AUTS2: variants seen among roughly 807,000 people sequenced by gnomAD.
AUTS2 encodes the protein activator of transcription and developmental regulator AUTS2.
A neutral mutation model predicts 112.4 loss-of-function variants in AUTS2; 17 were observed. The observed-to-expected ratio is 0.15, with a 90% CI of 0.10 to 0.23. The LOEUF (loss-of-function observed/expected upper bound fraction) is 0.23, where lower values mean the gene tolerates loss of function less well. AUTS2 is among the 10% of genes least tolerant of loss of function. The pLI is 1.00. For synonymous variants in AUTS2, 751 were observed against 702.7 expected, an observed-to-expected ratio of 1.07 and a Z score of -1.09; for missense variants, 1,510 against 1,701.6, an observed-to-expected ratio of 0.89 and a Z score of 1.98.
intron 2 of AUTS2, among the ~76,000 whole-genome samples, chr7:70,114,209 A>G (rs1438817329): frequency 1.3e-5 from 2 of 152,234 alleles, no homozygotes; most frequent in African/African-American, 2.4e-5. Flanking sequence ...AGTGGGTTAT[A>G]GTAATTTTTA....
intron 4 of AUTS2, among the ~76,000 whole-genome samples, chr7:70,301,558 AAG>A (rs1002897667): frequency 6.6e-5 from 10 of 152,166 alleles, no homozygotes; most frequent in African/African-American, 2.4e-4. Context: ...TGAGGTTCTA[AAG>A]AGGGGATTTT....
At chr7:70,391,553 C>A (rs554304188) in intron 4 of AUTS2, among the ~76,000 whole-genome samples, 1 of 152,132 alleles carries the variant, frequency 6.6e-6, no homozygotes, top group Non-Finnish European at 1.5e-5. Flanking sequence ...ATCACAATCA[C>A]GGAGTATCTG....
At chr7:69,876,358 A>G (rs1455500440) in intron 1 of AUTS2, among the ~76,000 whole-genome samples, 1 of 97,050 alleles carries the variant, frequency 1.0e-5, no homozygotes, top group Non-Finnish European at 2.0e-5. Context: ...AAATATATAT[A>G]TATATATATA....
rs6959459 is a variant in AUTS2 at position 70,765,919 on chromosome 7, G to C, written c.1469-195G>C. ...TCCCTGAAAGCTGGGAGACCAGCTA[G>C]AGAACAGGGAGACAGGGTGCGACCG... On this transcript the variant is annotated intron_variant, in intron 8 of 18. Coordinates refer to ENST00000342771, the MANE Select transcript of AUTS2 (RefSeq NM_015570.4). 0.5 allele frequency among the ~76,000 whole-genome samples: 76,441 copies of C among 151,896 alleles called. 21,332 individuals are homozygous for C. Among genetic ancestry groups the C allele is most frequent in the Non-Finnish European group, 0.62 (42,077 of 67,938 alleles).
At chr7:70,676,102 T>G (rs1807896517) in intron 5 of AUTS2, among the ~76,000 whole-genome samples, 1 of 152,172 alleles carries the variant, frequency 6.6e-6, no homozygotes, top group Non-Finnish European at 1.5e-5. Context: ...GGTTACTGAC[T>G]TGGTATAAAA....
intron 3 of AUTS2, among the ~76,000 whole-genome samples, chr7:70,121,413 A>G (rs924333694): frequency 2.6e-5 from 4 of 152,168 alleles, no homozygotes; most frequent in African/African-American, 7.2e-5. Context: ...GACAGCCTAC[A>G]AAATGGGGAA....
Position 70,393,738 on chromosome 7 carries a change from A to T in AUTS2, c.661-42014A>T, listed in dbSNP as rs1018328613. Among the ~76,000 whole-genome samples, 3 of 152,192 alleles carry T rather than the reference A, an allele frequency of 2.0e-5. No homozygotes were observed. In the East Asian group the frequency reaches 5.8e-4, roughly 29 times the overall value. On this transcript the variant is annotated intron_variant, in intron 4 of 18. Coordinates refer to ENST00000342771, the MANE Select transcript of AUTS2 (RefSeq NM_015570.4). The stretch of plus-strand genomic sequence containing the variant: ...TTTGAAATAATTTGGTTTCTGTAAC[A>T]CGAAGCCCACCACCCCCCTTTCAAC...
chr7:70,511,775 C>T (rs1213884678), intron 5 of AUTS2, among the ~76,000 whole-genome samples: 1 of 151,808 alleles, frequency 6.6e-6, no homozygotes, highest in Non-Finnish European at 1.5e-5. Context: ...CAGGTTTCAC[C>T]ACGTTGGCCA....
chr7:69,975,804 C>T (rs1357976777), intron 2 of AUTS2, among the ~76,000 whole-genome samples: 1 of 151,888 alleles, frequency 6.6e-6, no homozygotes, highest in Non-Finnish European at 1.5e-5. Flanking sequence ...TCTCGGGTCT[C>T]AGCCTCCCAA....
rs185016285 is a variant in AUTS2 at position 70,173,089 on chromosome 7, G to A, written c.660+38518G>A. ...AATGTAGAGTCTCTTACCACTGGGA[G>A]TTTGGGGAACTTCGCACAGTGGCTC... On this transcript the variant is annotated intron_variant, in intron 4 of 18. Coordinates refer to ENST00000342771, the MANE Select transcript of AUTS2 (RefSeq NM_015570.4). Among the ~76,000 whole-genome samples, 632 of 152,244 alleles carry A rather than the reference G, an allele frequency of 4.2e-3. 1 individual carries two copies. Among genetic ancestry groups the A allele is most frequent in the Admixed American group, 7.8e-3 (119 of 15,284 alleles).
At chr7:70,426,895 A>G (rs943452466) in intron 4 of AUTS2, among the ~76,000 whole-genome samples, 2 of 152,166 alleles carry the variant, frequency 1.3e-5, no homozygotes, top group African/African-American at 4.8e-5. Context: ...TTAACCCATA[A>G]CATACTTTTC....
intron 4 of AUTS2, among the ~76,000 whole-genome samples, chr7:70,230,329 A>C (rs1275894429): frequency 6.6e-6 from 1 of 152,108 alleles, no homozygotes; most frequent in African/African-American, 2.4e-5. Flanking sequence ...TTTCCCTCAT[A>C]ATGTGTGGCT....
At chr7:69,794,532 TC>T (rs1789753921) in intron 1 of AUTS2, among the ~76,000 whole-genome samples, 1 of 152,234 alleles carries the variant, frequency 6.6e-6, no homozygotes, top group Non-Finnish European at 1.5e-5. Flanking sequence ...TATTGCTGTT[TC>T]TAGGAAGTTA....
intron 13 of AUTS2, among the ~76,000 whole-genome samples, chr7:70,775,624 G>A (rs753048959): frequency 6.6e-6 from 1 of 151,866 alleles, no homozygotes; most frequent in Non-Finnish European, 1.5e-5. Context: ...CAACGAGTCC[G>A]ATCTCTTGTT....
At chr7:70,083,659 T>C (rs1007332448) in intron 2 of AUTS2, among the ~76,000 whole-genome samples, 2 of 152,134 alleles carry the variant, frequency 1.3e-5, no homozygotes, top group African/African-American at 4.8e-5. Flanking sequence ...ATCAAGGTAA[T>C]GAACAGGCTA....
intron 4 of AUTS2, among the ~76,000 whole-genome samples, chr7:70,377,924 C>G (rs1321980404): frequency 1.3e-5 from 2 of 151,742 alleles, no homozygotes. Context: ...GCGCCCGCCA[C>G]CACGGCTGGC....
intron 4 of AUTS2, among the ~76,000 whole-genome samples, chr7:70,224,857 A>G (rs549888198): frequency 6.6e-6 from 1 of 152,352 alleles, no homozygotes; most frequent in African/African-American, 2.4e-5. Context: ...AGTTGCCTAC[A>G]GTATTCAGTA....
rs1678386280 is a variant in AUTS2, at chr7:69,903,768, A to G, written c.522+4270A>G. ...ACAGGAGAACATCATTTTAGAGGAA[A>G]ATGGAGGAATTTGTGAATATTTCAG... On this transcript the variant is annotated intron_variant, in intron 2 of 18. Transcript: ENST00000342771. Among the ~76,000 whole-genome samples the G allele has an allele frequency of 2.0e-5, 3 of 152,154 alleles. No homozygotes were observed. The South Asian group carries it at 6.2e-4, about 32-fold the overall frequency.
chr7:70,304,769 G>A (rs187694540), intron 4 of AUTS2, among the ~76,000 whole-genome samples: 3 of 128,506 alleles, frequency 2.3e-5, no homozygotes, highest in Non-Finnish European at 4.7e-5. Flanking sequence ...TTTCCTTAGA[G>A]TGTCATGTGA....
Sources: gnomAD v4.1 joint callset for allele counts (sites outside exome capture counted in the v4.1 genomes callset) on GRCh38, gnomAD v4.1.1 for gene constraint, MANE v1.5 for transcripts, NCBI Gene and HGNC (gene_info 2026-07-23, HGNC 2026-07-21) for gene names.